Variants in WWOX observed in about 807,000 individuals in gnomAD.
WWOX encodes WW domain-containing oxidoreductase.
WWOX carries 69 observed loss-of-function variants against 46.2 expected under a neutral mutation model. The observed-to-expected ratio is 1.49, with a 90% CI of 1.23 to 1.82. WWOX has a LOEUF of 1.82. Among genes scored for constraint, WWOX ranks in the 40% most tolerant of loss-of-function variants. The pLI is 0.00. For synonymous variants in WWOX, 359 were observed against 202.6 expected (o/e 1.77, Z -6.56); for missense variants, 919 against 542.6 (o/e 1.69, Z -6.89).
At position 79,171,508 on chromosome 16, in the gene WWOX, C is replaced by T. The variant is rs1439925048; in HGVS notation, c.1057-40100C>T. On this transcript the variant is annotated intron_variant, in intron 8 of 8. Transcript: ENST00000566780. Reference sequence around the variant, plus strand: ...GTTTGCTACCCAGAATTTAAACATTCCTTTTTTGCTGCTGTTTTAATTTGA... The same window carrying T: ...GTTTGCTACCCAGAATTTAAACATTTCTTTTTTGCTGCTGTTTTAATTTGA... 2.0e-5 allele frequency among the ~76,000 whole-genome samples: 3 copies of T among 152,140 alleles called. No individual in the cohort carries two copies. The East Asian group carries it at 5.8e-4, about 29-fold the overall frequency.
At chr16:79,024,114 G>C (rs1263721813) in intron 8 of WWOX, among the ~76,000 whole-genome samples, 2 of 152,218 alleles carry the variant, frequency 1.3e-5, no homozygotes, top group Non-Finnish European at 2.9e-5. Context: ...GGGGACTAGA[G>C]AATGACTGCT....
chr16:78,376,634 G>A (rs1019634082), intron 5 of WWOX, among the ~76,000 whole-genome samples: 1 of 152,152 alleles, frequency 6.6e-6, no homozygotes, highest in African/African-American at 2.4e-5. Flanking sequence ...TGTTATGGGG[G>A]CTGTTCTGTT....
intron 8 of WWOX, among the ~76,000 whole-genome samples, chr16:78,658,298 G>A (rs555318352): frequency 6.6e-6 from 1 of 152,110 alleles, no homozygotes; most frequent in African/African-American, 2.4e-5. Context: ...GTATTAATAA[G>A]ACCCAAATAA....
At chr16:79,041,631 G>C (rs2047973348) in intron 8 of WWOX, among the ~76,000 whole-genome samples, 1 of 152,128 alleles carries the variant, frequency 6.6e-6, no homozygotes, top group South Asian at 2.1e-4. Context: ...ACTGGGGTCA[G>C]TAGCAGGCCA....
chr16:78,588,047 C>G (rs1225928180), intron 8 of WWOX, among the ~76,000 whole-genome samples: 1 of 152,226 alleles, frequency 6.6e-6, no homozygotes, highest in African/African-American at 2.4e-5. Flanking sequence ...GAAGCTGTAT[C>G]TGCTCCCTGG....
At chr16:78,461,305 C>T (rs748691993) in intron 8 of WWOX, among the ~76,000 whole-genome samples, 1 of 152,106 alleles carries the variant, frequency 6.6e-6, no homozygotes, top group African/African-American at 2.4e-5. Context: ...GTCTGCTGCT[C>T]TTGCACTGTC....
intron 8 of WWOX, among the ~76,000 whole-genome samples, chr16:79,172,933 A>T (rs1050536765): frequency 1.3e-4 from 20 of 151,916 alleles, no homozygotes; most frequent in Admixed American, 2.6e-4. Context: ...AGGCAGGAAG[A>T]TTGCTTGAGC....
At chr16:79,009,853 C>G (rs1393716901) in intron 8 of WWOX, among the ~76,000 whole-genome samples, 3 of 152,154 alleles carry the variant, frequency 2.0e-5, no homozygotes, top group Admixed American at 6.5e-5. Context: ...GCTTCGACCT[C>G]ATCTGGGAAG....
chr16:78,884,639 A>G (rs1463589370), intron 8 of WWOX, among the ~76,000 whole-genome samples: 2 of 152,208 alleles, frequency 1.3e-5, no homozygotes, highest in Non-Finnish European at 2.9e-5. Context: ...TTGACTAAAA[A>G]GCAAACTATT....
intron 8 of WWOX, among the ~76,000 whole-genome samples, chr16:78,911,415 G>C (rs886404185): frequency 8.6e-5 from 13 of 152,034 alleles, no homozygotes; most frequent in African/African-American, 3.1e-4. Context: ...GGCCTGGGTT[G>C]ACCAGATCCT....
At chr16:79,170,054 C>G (rs934729193) in intron 8 of WWOX, among the ~76,000 whole-genome samples, 2 of 152,238 alleles carry the variant, frequency 1.3e-5, no homozygotes, top group Middle Eastern at 3.4e-3. Context: ...TGAGCGCCAA[C>G]CAGCTCAAAC....
intron 8 of WWOX, among the ~76,000 whole-genome samples, chr16:79,010,234 C>T (rs1451084082): frequency 2.0e-5 from 3 of 152,164 alleles, no homozygotes; most frequent in African/African-American, 7.2e-5. Context: ...CTGCTGTGTG[C>T]CAGACAAGAG....
chr16:78,733,656 G>C (rs1382377970), intron 8 of WWOX, among the ~76,000 whole-genome samples: 1 of 151,788 alleles, frequency 6.6e-6, no homozygotes, highest in African/African-American at 2.4e-5. Context: ...TCGGTAGCCT[G>C]AGGCAGGAGA....
intron 4 of WWOX, among the ~76,000 whole-genome samples, chr16:78,145,056 G>A (rs1478025784): frequency 1.3e-5 from 2 of 152,120 alleles, no homozygotes; most frequent in Non-Finnish European, 2.9e-5. Flanking sequence ...AAATTGGGTA[G>A]CTTAAACAAC....
chr16:78,828,666 C>G (rs1436535573), intron 8 of WWOX, among the ~76,000 whole-genome samples: 1 of 152,040 alleles, frequency 6.6e-6, no homozygotes, highest in African/African-American at 2.4e-5. Flanking sequence ...ACACTCTGAC[C>G]TTTATTAATT....
At chr16:78,865,873 G>T (rs1049346149) in intron 8 of WWOX, among the ~76,000 whole-genome samples, 1 of 152,136 alleles carries the variant, frequency 6.6e-6, no homozygotes, top group Non-Finnish European at 1.5e-5. Context: ...GTGAAACTCC[G>T]TCTCAAAAAA....
intron 8 of WWOX, among the ~76,000 whole-genome samples, chr16:78,880,034 A>G (rs2044311418): frequency 6.6e-6 from 1 of 152,230 alleles, no homozygotes; most frequent in Non-Finnish European, 1.5e-5. Flanking sequence ...AAAAGTAGAT[A>G]AAGTAAAAGA....
At chr16:78,430,536 A>C (rs2083191883) in intron 7 of WWOX, among the ~76,000 whole-genome samples, 1 of 152,142 alleles carries the variant, frequency 6.6e-6, no homozygotes, top group Admixed American at 6.5e-5. Flanking sequence ...GTGCATTGCA[A>C]GACATCTGCC....
chr16:78,306,008 T>A (rs1357101397), intron 5 of WWOX, among the ~76,000 whole-genome samples: 1 of 152,072 alleles, frequency 6.6e-6, no homozygotes, highest in South Asian at 2.1e-4. Flanking sequence ...GGCAATCCAC[T>A]TTTCTCATTG....
Sources: gnomAD v4.1 joint callset for allele counts (sites outside exome capture counted in the v4.1 genomes callset) on GRCh38, gnomAD v4.1.1 for gene constraint, MANE v1.5 for transcripts, NCBI Gene and HGNC (gene_info 2026-07-23, HGNC 2026-07-21) for gene names.